The following SLC25A42 variants were observed in gnomAD, a reference collection of about 807,000 sequenced individuals.
SLC25A42 encodes the protein solute carrier family 25 member 42.
A neutral mutation model predicts 34.7 loss-of-function variants in SLC25A42; 19 were observed. The observed-to-expected ratio is 0.55, with a 90% CI of 0.38 to 0.80. The LOEUF is 0.80. SLC25A42 is among the 30% of genes least tolerant of loss of function. The pLI, the probability that SLC25A42 is intolerant of heterozygous loss-of-function variation, is 0.00. For synonymous variants in SLC25A42, 205 were observed against 191.2 expected, an observed-to-expected ratio of 1.07 and a Z score of -0.59; for missense variants, 364 against 441.3, an observed-to-expected ratio of 0.82 and a Z score of 1.57.
intron 1 of SLC25A42, among the ~76,000 whole-genome samples, chr19:19,074,687 CA>C (rs768495110): frequency 2.4e-4 from 36 of 151,550 alleles, no homozygotes; most frequent in Non-Finnish European, 4.4e-4. Flanking sequence ...GTGTGTGTGA[CA>C]GTGTGTGTGA....
At chr19:19,086,601 G>A (rs1053781461) in intron 1 of SLC25A42, among the ~76,000 whole-genome samples, 5 of 151,962 alleles carry the variant, frequency 3.3e-5, no homozygotes, top group Non-Finnish European at 5.9e-5. Flanking sequence ...TATATTTAAC[G>A]TATACAACAT....
chr19:19,093,406 TCA>T (rs1220172843), intron 1 of SLC25A42, among the ~76,000 whole-genome samples: 1 of 152,202 alleles, frequency 6.6e-6, no homozygotes, highest in East Asian at 1.9e-4. Flanking sequence ...GCATAACCTC[TCA>T]CAGTGCTGTG....
intron 2 of SLC25A42, among the ~76,000 whole-genome samples, chr19:19,100,822 G>A (rs1030961751): frequency 3.5e-4 from 53 of 152,292 alleles, no homozygotes; most frequent in African/African-American, 1.2e-3. Context: ...TTGCCTGGTG[G>A]GACTTCGCAG....
intron 1 of SLC25A42, among the ~76,000 whole-genome samples, chr19:19,090,641 G>C (rs185319601): frequency 3.3e-5 from 5 of 151,916 alleles, no homozygotes; most frequent in Admixed American, 3.3e-4. Context: ...GTGAGACCCC[G>C]TCTCAAAACA....
rs771630381 is a variant in SLC25A42, at chr19:19,110,581, G to A, written c.662G>A (p.Arg221His). The A allele has an allele frequency of 6.3e-6, 9 of 1,435,080 alleles. No individual in the cohort carries two copies. In the Admixed American group the frequency reaches 2.3e-4, roughly 37 times the overall value. 88.9% of individuals were successfully genotyped at this position (1,435,080 alleles called of 1,614,324 possible). The change falls in exon 8 of 8, where the codon CGC (arginine) becomes CAC (histidine). Residue 221 changes from arginine to histidine, a missense_variant. Physicochemically the swap from Arg to His is conservative, Grantham distance 29 (BLOSUM62 0). Coordinates refer to ENST00000318596, the MANE Select transcript of SLC25A42 (RefSeq NM_178526.5). ...CCTCGCCCTGCAGAGTACAGCGGCC[G>A]CCGGCAGCCCTACCCCTTCGAGCGC... ...LKSLHREYSG[R>H]RQPYPFERMI...
intron 1 of SLC25A42, among the ~76,000 whole-genome samples, chr19:19,074,738 AGTGTATGTGTGAGCGAGTGTGAGTGTGT>A (rs1568508256): frequency 6.6e-6 from 1 of 151,306 alleles, no homozygotes; most frequent in East Asian, 1.9e-4. Context: ...TGTGTGTGTG[AGTGTATGTGTGAGCGAGTGTGAGTGTGT>A]GTGTATGTGT....
chr19:19,074,305 C>CG (rs1831559748), intron 1 of SLC25A42, among the ~76,000 whole-genome samples: 1 of 152,164 alleles, frequency 6.6e-6, no homozygotes, highest in Admixed American at 6.5e-5. Context: ...AGGCAGCCTG[C>CG]GGGGTTGGGG....
chr19:19,068,372 G>T (rs140959857), intron 1 of SLC25A42, among the ~76,000 whole-genome samples: 2,082 of 122,568 alleles, frequency 0.017, 49 homozygotes, highest in African/African-American at 0.058. Flanking sequence ...AAAAAAAAAA[G>T]TATATCATGT....
At position 19,081,582 on chromosome 19, in the gene SLC25A42, T is replaced by G. The variant is rs2059682071; in HGVS notation, c.-34-14509T>G. 6.6e-6 allele frequency among the ~76,000 whole-genome samples: 1 copy of G among 152,122 alleles called. No individual in the cohort carries two copies. The highest frequency in any genetic ancestry group is 2.4e-5 in the African/African-American group (1 of 41,428). ...ATAGTGACAAAGAGGAGAATGCCAC[T>G]GAGGGTGGGGGTCATGGGAACTGGG... On this transcript the variant is annotated intron_variant, in intron 1 of 7. Transcript: ENST00000318596. This position sits in a 1 kb window ranked among gnomAD's most constrained non-coding sequence, Gnocchi z 4.5.
intron 1 of SLC25A42, among the ~76,000 whole-genome samples, chr19:19,094,494 A>C (rs2059754423): frequency 6.6e-6 from 1 of 151,880 alleles, no homozygotes; most frequent in Non-Finnish European, 1.5e-5. Flanking sequence ...CATGCCCTCC[A>C]TGACTGGCAC....
intron 1 of SLC25A42, among the ~76,000 whole-genome samples, chr19:19,076,330 C>T (rs780075450): frequency 8.6e-5 from 13 of 151,946 alleles, no homozygotes; most frequent in Non-Finnish European, 1.8e-4. Flanking sequence ...ATTGGCCAGA[C>T]CTGGTGGTGT....
chr19:19,068,250 G>A (rs2059612061), intron 1 of SLC25A42, among the ~76,000 whole-genome samples: 1 of 151,690 alleles, frequency 6.6e-6, no homozygotes, highest in Admixed American at 6.6e-5. Flanking sequence ...AGCTACTCAG[G>A]AAGCTGAGGC....
intron 5 of SLC25A42, 132 bp from the exon 6 acceptor site, chr19:19,106,137 A>C (rs2059826041): frequency 1.3e-6 from 1 of 757,392 alleles, no homozygotes; most frequent in Admixed American, 2.4e-5. Context: ...GAGGAAGCCA[A>C]ACCCGCCTCG....
chr19:19,106,567 C>G (rs2059829590), intron 6 of SLC25A42, 182 bp downstream of exon 6: 3 of 517,414 alleles, frequency 5.8e-6, no homozygotes, highest in Admixed American at 3.5e-5. Flanking sequence ...GTTCTCTTAG[C>G]CTGGGGGTCA....
At chr19:19,074,136 GCACTGT>G (rs1296520559) in intron 1 of SLC25A42, among the ~76,000 whole-genome samples, 1 of 152,250 alleles carries the variant, frequency 6.6e-6, no homozygotes, top group African/African-American at 2.4e-5. Flanking sequence ...GGTGTGGGCA[GCACTGT>G]CTGCAAGGAC....
intron 3 of SLC25A42, among the ~76,000 whole-genome samples, chr19:19,103,291 C>A (rs773247560): frequency 1.3e-5 from 2 of 151,960 alleles, no homozygotes; most frequent in Admixed American, 1.3e-4. Context: ...AGACAGGTTT[C>A]GACACGTTGG....
chr19:19,086,225 C>T (rs2059707960), intron 1 of SLC25A42, among the ~76,000 whole-genome samples: 1 of 152,134 alleles, frequency 6.6e-6, no homozygotes, highest in African/African-American at 2.4e-5. Flanking sequence ...CCTCTGCCTC[C>T]CAGGTTCAAG....
At chr19:19,065,405 C>CAAAA (rs1436781509) in intron 1 of SLC25A42, among the ~76,000 whole-genome samples, 5 of 152,182 alleles carry the variant, frequency 3.3e-5, no homozygotes, top group Non-Finnish European at 7.3e-5. Flanking sequence ...AGCTAACCTG[C>CAAAA]AAAACGAGCC....
At chr19:19,069,895 C>T (rs1021828316) in intron 1 of SLC25A42, among the ~76,000 whole-genome samples, 3 of 151,168 alleles carry the variant, frequency 2.0e-5, no homozygotes, top group Non-Finnish European at 2.9e-5. Context: ...GTGCGATCTT[C>T]GCTCACTGCA....
Sources: allele counts gnomAD v4.1 joint callset (sites outside exome capture counted in the v4.1 genomes callset), GRCh38; gene constraint gnomAD v4.1.1; non-coding constraint Gnocchi (gnomAD v3.1); transcripts MANE v1.5; gene names NCBI Gene and HGNC (gene_info 2026-07-23, HGNC 2026-07-21).